The following FSTL5 variants were observed in gnomAD, a reference collection of about 807,000 sequenced individuals.
FSTL5 encodes follistatin like 5, also known as follistatin-related protein 5.
A neutral mutation model predicts 89.1 loss-of-function variants in FSTL5; 62 were observed. That is an observed-to-expected ratio of 0.70 (90% confidence interval 0.57 to 0.86). The LOEUF is 0.86. Among genes scored for constraint, FSTL5 ranks in the 40% least tolerant of loss-of-function variants. FSTL5 has a pLI of 0.00. For missense variants in FSTL5, 1,057 were observed against 1,001.6 expected (o/e 1.06, Z -0.75); for synonymous variants, 383 against 346.2 (o/e 1.11, Z -1.18).
chr4:162,027,757 C>A (rs1173777266), intron 3 of FSTL5, among the ~76,000 whole-genome samples: 1 of 151,070 alleles, frequency 6.6e-6, no homozygotes, highest in African/African-American at 2.4e-5. Context: ...GTTTTAGATT[C>A]TCTTATTGGT....
chr4:161,564,248 T>G (rs1253719655), intron 8 of FSTL5, among the ~76,000 whole-genome samples: 3 of 151,132 alleles, frequency 2.0e-5, no homozygotes, highest in Non-Finnish European at 3.0e-5. Flanking sequence ...TATGTACACA[T>G]GCAAGTACAC....
chr4:161,452,150 C>T lies in FSTL5; in HGVS notation c.1841+2854G>A, dbSNP rs180957504. ...TCATAACGATTCAATCTCAGCAGCA[C>T]ATATTTAACTACATGCTGAATTTGC... On this transcript the variant is annotated intron_variant, in intron 15 of 15. Transcript: ENST00000306100. 8.5e-5 allele frequency among the ~76,000 whole-genome samples: 13 copies of T among 152,254 alleles called. No homozygotes were observed. The East Asian group carries it at 1.7e-3, about 20-fold the overall frequency.
At chr4:161,875,729 T>C (rs1205666994) in intron 4 of FSTL5, among the ~76,000 whole-genome samples, 1 of 152,240 alleles carries the variant, frequency 6.6e-6, no homozygotes, top group East Asian at 1.9e-4. Flanking sequence ...TGATTTTATG[T>C]GGCTTTCCTT....
At chr4:161,875,005 CTTT>C (rs553380273) in intron 4 of FSTL5, among the ~76,000 whole-genome samples, 111 of 152,244 alleles carry the variant, frequency 7.3e-4, no homozygotes, top group African/African-American at 2.6e-3. Context: ...ATTTCTACAA[CTTT>C]TGTTCTTTCA....
intron 4 of FSTL5, among the ~76,000 whole-genome samples, chr4:161,820,564 G>A (rs919349579): frequency 6.6e-6 from 1 of 152,002 alleles, no homozygotes; most frequent in Non-Finnish European, 1.5e-5. Context: ...AGTAGGGTAC[G>A]GTCAAATCAC....
At chr4:161,535,769 G>A (rs986938845) in intron 10 of FSTL5, among the ~76,000 whole-genome samples, 3 of 151,888 alleles carry the variant, frequency 2.0e-5, no homozygotes, top group East Asian at 1.9e-4. Flanking sequence ...TCATTCTACC[G>A]AACAGACACA....
chr4:161,620,872 T>G (rs1428412701), intron 7 of FSTL5, among the ~76,000 whole-genome samples: 1 of 152,128 alleles, frequency 6.6e-6, no homozygotes, highest in Non-Finnish European at 1.5e-5. Context: ...CCTTTAATAA[T>G]AGAGATTCAA....
chr4:161,530,966 C>T (rs1279861204), intron 10 of FSTL5, among the ~76,000 whole-genome samples: 4 of 152,132 alleles, frequency 2.6e-5, no homozygotes, highest in African/African-American at 9.6e-5. Context: ...TATCTAAATC[C>T]CTTCACATAA....
intron 4 of FSTL5, among the ~76,000 whole-genome samples, chr4:161,877,327 T>C (rs1219889370): frequency 6.6e-6 from 1 of 150,812 alleles, no homozygotes; most frequent in Non-Finnish European, 1.5e-5. Context: ...TATGATAATA[T>C]AATATGTTGT....
chr4:161,804,779 C>T (rs1296973754), intron 4 of FSTL5, among the ~76,000 whole-genome samples: 1 of 151,996 alleles, frequency 6.6e-6, no homozygotes, highest in Non-Finnish European at 1.5e-5. Flanking sequence ...CGAAGGGACT[C>T]TTAAGACCTT....
At chr4:161,560,044 G>C (rs1368345457) in intron 8 of FSTL5, among the ~76,000 whole-genome samples, 3 of 122,602 alleles carry the variant, frequency 2.4e-5, no homozygotes, top group Non-Finnish European at 5.6e-5. Context: ...GAGTTTTCTT[G>C]GTGTGATTTT....
chr4:162,061,738 A>G (rs1003726708), intron 2 of FSTL5, among the ~76,000 whole-genome samples: 1 of 152,136 alleles, frequency 6.6e-6, no homozygotes, highest in Non-Finnish European at 1.5e-5. Flanking sequence ...CATGAGTTAC[A>G]TATGCATAAA....
At chr4:161,888,101 G>C (rs1338082979) in intron 4 of FSTL5, among the ~76,000 whole-genome samples, 1 of 152,136 alleles carries the variant, frequency 6.6e-6, no homozygotes, top group Non-Finnish European at 1.5e-5. Context: ...TTTTATAGCA[G>C]TGTGAAAAGA....
chr4:161,620,634 C>T (rs902829740), intron 7 of FSTL5, among the ~76,000 whole-genome samples: 8 of 151,980 alleles, frequency 5.3e-5, no homozygotes, highest in African/African-American at 1.9e-4. Flanking sequence ...CCAGCCTAGG[C>T]AACAAGAATG....
intron 6 of FSTL5, among the ~76,000 whole-genome samples, chr4:161,733,744 C>G (rs1739695793): frequency 6.6e-6 from 1 of 151,596 alleles, no homozygotes; most frequent in South Asian, 2.1e-4. Flanking sequence ...ATATTTATTG[C>G]TTTAGTACAA....
intron 5 of FSTL5, among the ~76,000 whole-genome samples, chr4:161,773,344 G>A (rs1741278461): frequency 1.3e-5 from 2 of 152,030 alleles, no homozygotes; most frequent in Non-Finnish European, 2.9e-5. Context: ...ATAAATAGAT[G>A]AGACTTAATT....
At chr4:161,910,215 T>C (rs931074791) in intron 4 of FSTL5, among the ~76,000 whole-genome samples, 4 of 152,108 alleles carry the variant, frequency 2.6e-5, no homozygotes, top group Admixed American at 6.6e-5. Flanking sequence ...CTCCTGTGCT[T>C]GCTTCTGCTC....
chr4:161,722,014 TTATACATAA>T (rs1203744973), intron 6 of FSTL5, among the ~76,000 whole-genome samples: 1 of 152,172 alleles, frequency 6.6e-6, no homozygotes, highest in Non-Finnish European at 1.5e-5. Context: ...TAACATCTTC[TTATACATAA>T]TATGAATGCA....
intron 2 of FSTL5, among the ~76,000 whole-genome samples, chr4:162,070,492 TGTAA>T (rs754139377): frequency 1.5e-4 from 23 of 152,012 alleles, no homozygotes; most frequent in Admixed American, 1.2e-3. Context: ...GAGCTTTACA[TGTAA>T]GTGTTTAATT....
Sources: gnomAD v4.1 joint callset for allele counts (sites outside exome capture counted in the v4.1 genomes callset) on GRCh38, gnomAD v4.1.1 for gene constraint, MANE v1.5 for transcripts, NCBI Gene and HGNC (gene_info 2026-07-23, HGNC 2026-07-21) for gene names.